Variants in BMPR1B observed in about 807,000 individuals in gnomAD.
The protein encoded by BMPR1B is bone morphogenetic protein receptor type-1B.
A neutral mutation model predicts 59.1 loss-of-function variants in BMPR1B; 12 were observed. The observed-to-expected ratio is 0.20, with a 90% confidence interval of 0.13 to 0.33. BMPR1B has a LOEUF of 0.33. BMPR1B is among the 10% of genes least tolerant of loss of function. BMPR1B has a pLI of 1.00. For missense variants in BMPR1B, 550 were observed against 610.9 expected (o/e 0.90, Z 1.05); for synonymous variants, 237 against 207.3 (o/e 1.14, Z -1.23).
At chr4:94,891,116 A>G (rs1727376366) in intron 2 of BMPR1B, among the ~76,000 whole-genome samples, 2 of 152,100 alleles carry the variant, frequency 1.3e-5, no homozygotes, top group Admixed American at 6.6e-5. Flanking sequence ...ATTTCTCACA[A>G]TATCCTAATA....
At chr4:94,971,137 T>A (rs1235369996) in intron 2 of BMPR1B, among the ~76,000 whole-genome samples, 3 of 152,168 alleles carry the variant, frequency 2.0e-5, no homozygotes, top group African/African-American at 7.2e-5. Flanking sequence ...AAACTGGCAC[T>A]CAGTTTCAGT....
In BMPR1B at chr4:94,772,951, A is replaced by G. The variant is rs1012252103; in HGVS notation, c.-183+14883A>G. Among the ~76,000 whole-genome samples the G allele has an allele frequency of 1.1e-3, 170 of 152,134 alleles. 1 individual carries two copies. The highest frequency in any genetic ancestry group is 4.0e-3 in the African/African-American group (167 of 41,546). ...TATAATAAGGAAGGACTAGTTGATT[A>G]TTTTTTACTTTAACTTTCTTAATCT... On this transcript the variant is annotated intron_variant, in intron 1 of 12. Transcript: ENST00000515059.
intron 3 of BMPR1B, among the ~76,000 whole-genome samples, chr4:95,069,689 C>T (rs1728128941): frequency 6.6e-6 from 1 of 152,160 alleles, no homozygotes; most frequent in Non-Finnish European, 1.5e-5. Context: ...GCTGTGAGGG[C>T]ATGGAATCGT....
Position 95,114,792 on chromosome 4 carries a change from A to G in BMPR1B, c.216A>G (p.Leu72=). ...TGCCTGTGGTCACTTCTGGTTGCCT[A>G]GGACTAGAAGGCTCAGATTTTCAGT... ...SGLPVVTSGC[L]GLEGSDFQCR... is the part of the protein sequence containing the mutation. The change falls in exon 5 of 13, where the codon CTA becomes CTG. Residue 72 remains leucine (L), a synonymous_variant. Coordinates refer to ENST00000515059, the MANE Select transcript of BMPR1B (RefSeq NM_001203.3). 3.1e-6 allele frequency: 5 copies of G among 1,612,914 alleles called. No homozygotes were observed. The highest frequency in any genetic ancestry group is 4.2e-6 in the Non-Finnish European group (5 of 1,178,996).
intron 2 of BMPR1B, among the ~76,000 whole-genome samples, chr4:94,958,363 T>A (rs980217287): frequency 1.3e-5 from 2 of 152,158 alleles, no homozygotes; most frequent in Non-Finnish European, 2.9e-5. Context: ...GCAGACTGGG[T>A]GGCTGAAACA....
intron 3 of BMPR1B, among the ~76,000 whole-genome samples, chr4:95,012,458 A>G (rs1003863071): frequency 6.6e-6 from 1 of 152,166 alleles, no homozygotes; most frequent in Non-Finnish European, 1.5e-5. Context: ...GTGAATTATT[A>G]TTTCAATATG....
chr4:94,786,370 CTT>C (rs34747185), intron 1 of BMPR1B, among the ~76,000 whole-genome samples: 6 of 140,276 alleles, frequency 4.3e-5, no homozygotes, highest in Admixed American at 1.4e-4. Context: ...AATTCACCAC[CTT>C]TTTTTTTTTT....
At chr4:95,147,151 C>T (rs952819518) in intron 10 of BMPR1B, among the ~76,000 whole-genome samples, 4 of 151,834 alleles carry the variant, frequency 2.6e-5, no homozygotes, top group Non-Finnish European at 4.4e-5. Flanking sequence ...TAGAAAACCA[C>T]GAGGGGCCTA....
At chr4:94,782,973 T>C (rs1215249038) in intron 1 of BMPR1B, among the ~76,000 whole-genome samples, 4 of 152,214 alleles carry the variant, frequency 2.6e-5, no homozygotes, top group East Asian at 3.9e-4. Flanking sequence ...GCTTGTTTGT[T>C]TAGTGACCTG....
intron 2 of BMPR1B, among the ~76,000 whole-genome samples, chr4:94,890,944 C>G (rs1197438909): frequency 1.3e-5 from 2 of 152,088 alleles, no homozygotes; most frequent in East Asian, 1.9e-4. Context: ...AAGGAAAGGA[C>G]CAACATTGCA....
chr4:95,023,844 T>G (rs1233436357), intron 3 of BMPR1B, among the ~76,000 whole-genome samples: 1 of 152,196 alleles, frequency 6.6e-6, no homozygotes, highest in African/African-American at 2.4e-5. Flanking sequence ...AGGACATTGA[T>G]TTTGTACAGT....
chr4:95,093,856 C>T (rs1031132218), intron 3 of BMPR1B, among the ~76,000 whole-genome samples: 3 of 152,052 alleles, frequency 2.0e-5, no homozygotes, highest in Non-Finnish European at 2.9e-5. Flanking sequence ...TAGTGTGTCT[C>T]TTAACCTACT....
intron 2 of BMPR1B, among the ~76,000 whole-genome samples, chr4:94,918,249 TGAG>T (rs1728562817): frequency 6.6e-6 from 1 of 152,202 alleles, no homozygotes; most frequent in Non-Finnish European, 1.5e-5. Flanking sequence ...ACTTAAGTCT[TGAG>T]GCAGTTCTAT....
At chr4:95,052,342 A>G (rs1181170797) in intron 3 of BMPR1B, among the ~76,000 whole-genome samples, 2 of 152,240 alleles carry the variant, frequency 1.3e-5, no homozygotes, top group East Asian at 3.8e-4. Context: ...TGACTAAAAT[A>G]TAGAAAATGT....
At chr4:94,883,789 A>G (rs1727069192) in intron 2 of BMPR1B, among the ~76,000 whole-genome samples, 1 of 152,130 alleles carries the variant, frequency 6.6e-6, no homozygotes, top group Admixed American at 6.5e-5. Context: ...TTTGAGGAAC[A>G]TGTGATTTTT....
intron 1 of BMPR1B, among the ~76,000 whole-genome samples, chr4:94,858,026 A>G (rs1324974649): frequency 1.3e-5 from 2 of 152,040 alleles, no homozygotes; most frequent in Non-Finnish European, 2.9e-5. Flanking sequence ...GCTCACTGCA[A>G]GCTCTGCCTG....
chr4:94,986,840 G>C lies in BMPR1B; in HGVS notation c.-112-9200G>C, dbSNP rs1009285663. 2.0e-5 allele frequency among the ~76,000 whole-genome samples: 3 copies of C among 151,896 alleles called. No homozygotes were observed. The East Asian group carries it at 5.8e-4, about 29-fold the overall frequency. On this transcript the variant is annotated intron_variant, in intron 2 of 12. Coordinates refer to ENST00000515059, the MANE Select transcript of BMPR1B (RefSeq NM_001203.3). Reference sequence around the variant, plus strand: ...GTGGATCATGAGGTCAGGGGATGGAGACCATCCTGGCTAACACGGTGAAAC... The same window carrying C: ...GTGGATCATGAGGTCAGGGGATGGACACCATCCTGGCTAACACGGTGAAAC...
intron 2 of BMPR1B, among the ~76,000 whole-genome samples, chr4:94,965,505 GT>G (rs766989328): frequency 2.0e-5 from 3 of 152,060 alleles, no homozygotes; most frequent in Non-Finnish European, 4.4e-5. Flanking sequence ...AAATCCATTT[GT>G]TTTCTGGCCT....
intron 2 of BMPR1B, among the ~76,000 whole-genome samples, chr4:94,932,400 T>G (rs1267813890): frequency 6.6e-6 from 1 of 152,204 alleles, no homozygotes; most frequent in Admixed American, 6.5e-5. Context: ...ATATCACTAT[T>G]CTTAGTTTAG....
Sources: allele counts gnomAD v4.1 joint callset (sites outside exome capture counted in the v4.1 genomes callset), GRCh38; gene constraint gnomAD v4.1.1; transcripts MANE v1.5; gene names NCBI Gene and HGNC (gene_info 2026-07-23, HGNC 2026-07-21).